ADAMTS14: variants seen among roughly 807,000 people sequenced by gnomAD.
ADAMTS14 encodes the protein A disintegrin and metalloproteinase with thrombospondin motifs 14.
In ADAMTS14, 100 loss-of-function variants were observed where a neutral mutation model predicts 128.6. The ratio of observed to expected loss-of-function variants is 0.78; its 90% CI spans 0.66 to 0.92. The LOEUF is 0.92. Among genes scored for constraint, ADAMTS14 ranks in the 40% least tolerant of loss-of-function variants. The pLI is 0.00. For synonymous variants in ADAMTS14, 665 were observed against 653.8 expected (o/e 1.02, Z -0.26); for missense variants, 1,562 against 1,658.6 (o/e 0.94, Z 1.01).
At chr10:70,738,555 T>TTACTATCGGGTGTGCCGATAACAG (rs1841897286) in intron 10 of ADAMTS14, among the ~76,000 whole-genome samples, 1 of 152,232 alleles carries the variant, frequency 6.6e-6, no homozygotes, top group Admixed American at 6.5e-5. Context: ...GTGCCGATAA[T>TTACTATCGGGTGTGCCGATAACAG]TGCACATTTA....
intron 2 of ADAMTS14, among the ~76,000 whole-genome samples, chr10:70,675,695 C>G (rs1178026905): frequency 6.6e-6 from 1 of 152,224 alleles, no homozygotes; most frequent in East Asian, 1.9e-4. Context: ...GTTGGCTCCA[C>G]ATTGCAAACC....
chr10:70,700,161 G>C (rs780361097), intron 2 of ADAMTS14, among the ~76,000 whole-genome samples: 2 of 152,056 alleles, frequency 1.3e-5, no homozygotes, highest in Non-Finnish European at 2.9e-5. Context: ...GCCTCCTGTG[G>C]GGAGTTCTGC....
rs557027892 is a variant in ADAMTS14 at position 70,708,820 on chromosome 10, G to GGGTGGGCCCCA, written c.870+43_870+53dup. On this transcript the variant is annotated intron_variant, in intron 4 of 21. Transcript: ENST00000373207. ...CCTAGGACTTGGGGGGAGTGGGGTG[G>GGGTGGGCCCCA]GGTGGGCCCCACCCCACCCCACTGG... 4 of 1,344,672 alleles carry GGGTGGGCCCCA rather than the reference G, an allele frequency of 3.0e-6. 1 individual carries two copies. In the East Asian group the frequency reaches 1.1e-4, roughly 37 times the overall value. The allele number at this position is 1,344,672 out of a possible 1,614,324, so 83.3% of individuals were successfully genotyped here.
Position 70,745,323 on chromosome 10 carries a change from T to C in ADAMTS14, c.2263+17T>C, listed in dbSNP as rs1294688754. 1.2e-6 allele frequency: 2 copies of C among 1,611,996 alleles called. No homozygotes were observed. The highest frequency in any genetic ancestry group is 1.7e-6 in the Non-Finnish European group (2 of 1,179,912). On this transcript the variant is annotated intron_variant, in intron 15 of 21. Transcript: ENST00000373207. ...ACCGCATTGGTGAGTGCTGGGGTGC[T>C]GGGAGGGGACAGCAGGGCCCCAGGC...
intron 15 of ADAMTS14, among the ~76,000 whole-genome samples, chr10:70,748,339 A>G (rs1842246362): frequency 6.6e-6 from 1 of 152,176 alleles, no homozygotes; most frequent in South Asian, 2.1e-4. Context: ...GTCAAAGGCA[A>G]TGGGAGAACT....
intron 2 of ADAMTS14, among the ~76,000 whole-genome samples, chr10:70,702,068 G>A (rs1053179639): frequency 6.6e-5 from 10 of 152,196 alleles, no homozygotes; most frequent in African/African-American, 2.4e-4. Flanking sequence ...CACTGTAAAA[G>A]TGGATCTACT....
At position 70,760,363 on chromosome 10, in the gene ADAMTS14, A is replaced by T; in HGVS notation, c.3182A>T (p.Glu1061Val). 6.4e-7 allele frequency: 1 copy of T among 1,560,244 alleles called. No homozygotes were observed. Among genetic ancestry groups the T allele is most frequent in the Non-Finnish European group, 8.7e-7 (1 of 1,152,806 alleles). Residue 1061 changes from glutamate to valine, a missense_variant, in exon 22 of 22, where the codon GAG becomes GTG. Glu to Val is a moderately radical substitution (Grantham distance 121, BLOSUM62 -2). Transcript: ENST00000373207. ...LHPINKISST[E>V]PCTGDRSVFC... ...TGTCCTTGTGCTGTGTGTGCAGCGG[A>T]GCCCTGCACGGGAGACAGGTCTGTC...
intron 15 of ADAMTS14, among the ~76,000 whole-genome samples, chr10:70,747,186 G>T (rs1842203567): frequency 6.6e-6 from 1 of 152,148 alleles, no homozygotes; most frequent in Non-Finnish European, 1.5e-5. Flanking sequence ...CAGCTCCAGT[G>T]GGCTCCTAAA....
At chr10:70,708,543 C>T in intron 3 of ADAMTS14, 45 bp from the exon 4 acceptor site, 1 of 1,537,878 alleles carries the variant, frequency 6.5e-7, no homozygotes, top group Non-Finnish European at 8.9e-7. Context: ...CAGTGACAGC[C>T]CCTCCTGTGG....
At chr10:70,681,847 C>A (rs1445916908) in intron 2 of ADAMTS14, among the ~76,000 whole-genome samples, 1 of 152,228 alleles carries the variant, frequency 6.6e-6, no homozygotes, top group Non-Finnish European at 1.5e-5. Context: ...TGCCTAGAGA[C>A]CCTGGGAGGG....
intron 1 of ADAMTS14, among the ~76,000 whole-genome samples, chr10:70,673,425 C>G (rs1047354012): frequency 6.6e-6 from 1 of 150,554 alleles, no homozygotes; most frequent in Non-Finnish European, 1.5e-5. Context: ...GCTGTGGACA[C>G]AGGTCTCTTG....
At chr10:70,758,481 A>G (rs1178532166) in intron 21 of ADAMTS14, among the ~76,000 whole-genome samples, 196 bp downstream of exon 21, 2 of 152,108 alleles carry the variant, frequency 1.3e-5, no homozygotes, top group African/African-American at 4.8e-5. Flanking sequence ...GCAATTCCAA[A>G]ATGTTTATTT....
In ADAMTS14 at chr10:70,744,157, A is replaced by AG; in HGVS notation, c.2154dup (p.Thr719AspfsTer27). 4 of 1,547,116 alleles carry AG rather than the reference A, an allele frequency of 2.6e-6. No individual in the cohort carries two copies. The highest frequency in any genetic ancestry group is 1.7e-4 in the Middle Eastern group (1 of 5,962). ...GACAACTCCCACTGCAGGACTGTGA[A>AG]GGGGACGCTGGGCAAGGCCTCCAAG... is the stretch of plus-strand genomic sequence containing the variant. On this transcript the variant is annotated frameshift_variant, in exon 14 of 22. Coordinates refer to ENST00000373207, the MANE Select transcript of ADAMTS14 (RefSeq NM_080722.4).
intron 3 of ADAMTS14, 139 bp from the exon 4 acceptor site, chr10:70,708,449 A>G (rs975058759): frequency 7.1e-6 from 5 of 708,486 alleles, no homozygotes; most frequent in Middle Eastern, 4.1e-4. Context: ...CCTAGTATGG[A>G]GCAATCCCTC....
In ADAMTS14 at chr10:70,730,205, A is replaced by G. The variant is rs755031904; in HGVS notation, c.1058A>G (p.His353Arg). The change falls in exon 6 of 22, where the codon CAT becomes CGT. Residue 353 changes from histidine (H) to arginine (R), a missense_variant. Physicochemically the swap from His to Arg is conservative, Grantham distance 29 (BLOSUM62 0). Coordinates refer to ENST00000373207, the MANE Select transcript of ADAMTS14 (RefSeq NM_080722.4). ...QRQDPSHAEH[H>R]DHVVFLTRQD... ...CAGGACCCCAGCCACGCTGAGCACC[A>G]TGACCACGTTGTGTTCCTCACCCGG... 2 of 1,614,100 alleles carry G rather than the reference A, an allele frequency of 1.2e-6. No homozygotes were observed. Among genetic ancestry groups the G allele is most frequent in the Non-Finnish European group, 1.7e-6 (2 of 1,180,004 alleles).
chr10:70,700,955 C>T (rs1472667646), intron 2 of ADAMTS14, among the ~76,000 whole-genome samples: 1 of 152,194 alleles, frequency 6.6e-6, no homozygotes, highest in Non-Finnish European at 1.5e-5. Context: ...TGTTACCTGA[C>T]AAAATGGTGA....
At chr10:70,751,184 C>G (rs1035022654) in intron 16 of ADAMTS14, among the ~76,000 whole-genome samples, 5 of 152,326 alleles carry the variant, frequency 3.3e-5, no homozygotes, top group Middle Eastern at 6.8e-3. Context: ...GACAGACAGA[C>G]AGCCAGCCCT....
intron 7 of ADAMTS14, among the ~76,000 whole-genome samples, chr10:70,732,908 A>G (rs76486199): frequency 0.024 from 3,679 of 152,260 alleles, 97 homozygotes; most frequent in African/African-American, 0.064. Context: ...CATTCATTCA[A>G]TATTTCTTGA....
At chr10:70,715,143 G>T (rs1293864156) in intron 4 of ADAMTS14, among the ~76,000 whole-genome samples, 1 of 152,160 alleles carries the variant, frequency 6.6e-6, no homozygotes, top group Non-Finnish European at 1.5e-5. Flanking sequence ...TTATGACCGT[G>T]AAATTCCCTT....
Sources: gnomAD v4.1 joint callset for allele counts (sites outside exome capture counted in the v4.1 genomes callset) on GRCh38, gnomAD v4.1.1 for gene constraint, MANE v1.5 for transcripts, NCBI Gene and HGNC (gene_info 2026-07-23, HGNC 2026-07-21) for gene names.